ARNT2: variants seen among roughly 807,000 people sequenced by gnomAD.
ARNT2 encodes ARNT protein 2.
In ARNT2, 36 loss-of-function variants were observed where a neutral mutation model predicts 91.7. The observed-to-expected ratio is 0.39, with a 90% confidence interval of 0.30 to 0.52. The LOEUF is 0.52. Ranked by LOEUF, ARNT2 falls within the 20% of genes least tolerant of loss-of-function variation. The probability of loss-of-function intolerance (pLI) is 0.72; values close to 1 mark genes in which losing one functional copy is unlikely to be tolerated. For missense variants in ARNT2, 775 were observed against 939.3 expected (o/e 0.83, Z 2.29); for synonymous variants, 365 against 347.1 (o/e 1.05, Z -0.57).
At position 80,469,214 on chromosome 15, in the gene ARNT2, G is replaced by C. The variant is rs1394752025; in HGVS notation, c.195-1004G>C. Among the ~76,000 whole-genome samples, 3 of 152,298 alleles carry C rather than the reference G, an allele frequency of 2.0e-5. No individual in the cohort carries two copies. The East Asian group carries it at 5.8e-4, about 29-fold the overall frequency. On this transcript the variant is annotated intron_variant, in intron 3 of 18. Transcript: ENST00000303329. ...GCCTGAAGGTAAAAAGCCTGGGTTG[G>C]AAACATTCTACCATCCCTTCTGCTA...
At chr15:80,481,805 C>T (rs571768143) in intron 5 of ARNT2, among the ~76,000 whole-genome samples, 49 of 152,302 alleles carry the variant, frequency 3.2e-4, no homozygotes, top group Non-Finnish European at 6.2e-4. Flanking sequence ...CACTACATTG[C>T]CTAGGTTGTT....
chr15:80,483,978 C>G (rs903308939), intron 5 of ARNT2, among the ~76,000 whole-genome samples: 3 of 152,152 alleles, frequency 2.0e-5, no homozygotes, highest in Non-Finnish European at 1.5e-5. Flanking sequence ...TGCAGTCCAC[C>G]CCTGGGGTAT....
intron 1 of ARNT2, among the ~76,000 whole-genome samples, chr15:80,423,857 C>T (rs1895896590): frequency 6.6e-6 from 1 of 152,016 alleles, no homozygotes; most frequent in Non-Finnish European, 1.5e-5. Flanking sequence ...CCAGTTCAAA[C>T]TAACTCTTAG....
chr15:80,574,048 ATCACCCACTCTGCC>A, intron 12 of ARNT2, 86 bp from the exon 13 acceptor site: 1 of 894,176 alleles, frequency 1.1e-6, no homozygotes. Context: ...TCCATCGGAT[ATCACCCACTCTGCC>A]TCTGAGGTAT....
intron 6 of ARNT2, among the ~76,000 whole-genome samples, chr15:80,508,636 T>A (rs186162938): frequency 6.6e-6 from 1 of 152,340 alleles, no homozygotes; most frequent in African/African-American, 2.4e-5. Context: ...TTCATATATT[T>A]CCTGTCACAA....
chr15:80,578,458 G>T (rs558280263), intron 15 of ARNT2, among the ~76,000 whole-genome samples: 57 of 151,800 alleles, frequency 3.8e-4, no homozygotes, highest in African/African-American at 1.3e-3. Context: ...CCTCACACTG[G>T]ACTGTCTGCC....
intron 8 of ARNT2, among the ~76,000 whole-genome samples, chr15:80,543,230 G>A (rs1897940374): frequency 6.6e-6 from 1 of 152,134 alleles, no homozygotes; most frequent in South Asian, 2.1e-4. Context: ...CAGGCCTCAG[G>A]TGGGGTGCTC....
chr15:80,597,143 A>G lies in ARNT2; in HGVS notation c.*3445A>G, dbSNP rs144987679. 5.8e-6 allele frequency: 3 copies of G among 518,834 alleles called. No homozygotes were observed. Among genetic ancestry groups the G allele is most frequent in the Non-Finnish European group, 1.2e-5 (3 of 259,838 alleles). The allele number at this position is 518,834 out of a possible 1,614,324, so 32.1% of individuals were successfully genotyped here. A position where few individuals can be genotyped will look rare whatever the true frequency, so the allele number is the denominator to read the frequency against. ...TACATGTTCTCCAGATTAGCCACAC[A>G]TGCAAACATCAGTGTCCTTCTAGCT... On this transcript the variant is annotated 3_prime_UTR_variant, in exon 19 of 19. Transcript: ENST00000303329.
chr15:80,440,978 T>C (rs1240336826), intron 1 of ARNT2, among the ~76,000 whole-genome samples: 1 of 152,242 alleles, frequency 6.6e-6, no homozygotes, highest in Non-Finnish European at 1.5e-5. Flanking sequence ...ATGTGCCCTG[T>C]CTTCATTCCA....
intron 1 of ARNT2, among the ~76,000 whole-genome samples, chr15:80,411,395 TG>T (rs1331767199): frequency 3.9e-5 from 6 of 152,210 alleles, no homozygotes; most frequent in Admixed American, 3.9e-4. Context: ...GCCAGGGAAC[TG>T]TCTTTTATTT....
Position 80,597,110 on chromosome 15 carries a change from A to T in ARNT2, c.*3412A>T, listed in dbSNP as rs1893385982. On this transcript the variant is annotated 3_prime_UTR_variant, in exon 19 of 19. Coordinates refer to ENST00000303329, the MANE Select transcript of ARNT2 (RefSeq NM_014862.4). Reference sequence around the variant, plus strand: ...GGGAGCTTTACTCTTCCGTGTCAACAATGTGACTACATGTTCTCCAGATTA... The same window carrying T: ...GGGAGCTTTACTCTTCCGTGTCAACTATGTGACTACATGTTCTCCAGATTA... The T allele has an allele frequency of 1.9e-6, 1 of 518,130 alleles. No individual in the cohort carries two copies. Among genetic ancestry groups the T allele is most frequent in the African/African-American group, 1.9e-5 (1 of 52,010 alleles). 32.1% of individuals were successfully genotyped at this position (518,130 alleles called of 1,614,324 possible).
intron 8 of ARNT2, among the ~76,000 whole-genome samples, chr15:80,520,580 A>C (rs1897526752): frequency 6.6e-6 from 1 of 152,068 alleles, no homozygotes; most frequent in South Asian, 2.1e-4. Flanking sequence ...AATAAATAAA[A>C]ATAAAAAAAT....
chr15:80,465,074 C>T (rs552840665), intron 3 of ARNT2, among the ~76,000 whole-genome samples: 6 of 152,322 alleles, frequency 3.9e-5, no homozygotes, highest in African/African-American at 1.4e-4. Flanking sequence ...GGGATTGATG[C>T]TTCCTTTGCT....
intron 16 of ARNT2, 84 bp from the exon 17 acceptor site, chr15:80,581,155 C>T (rs1315008218): frequency 1.4e-5 from 21 of 1,524,304 alleles, no homozygotes; most frequent in Non-Finnish European, 1.9e-5. Context: ...CAGGCACTGC[C>T]CCTGCGACCA....
intron 5 of ARNT2, among the ~76,000 whole-genome samples, chr15:80,501,633 C>A (rs1444314230): frequency 1.3e-5 from 2 of 152,196 alleles, no homozygotes; most frequent in Non-Finnish European, 2.9e-5. Context: ...AGCCAGGAGG[C>A]AGGGGCTAAC....
chr15:80,555,174 A>G (rs1436949182), intron 11 of ARNT2, 35 bp downstream of exon 11: 2 of 1,605,512 alleles, frequency 1.2e-6, no homozygotes, highest in Admixed American at 1.7e-5. Flanking sequence ...AAGCTGATGC[A>G]TAGTCTGGGC....
intron 1 of ARNT2, chr15:80,444,639 TG>T (rs1896261570): frequency 6.6e-6 from 1 of 151,512 alleles, no homozygotes; most frequent in African/African-American, 2.5e-5. Context: ...TGATGTGTGA[TG>T]TGTGTGCGTG....
At chr15:80,526,328 G>T (rs866316653) in intron 8 of ARNT2, among the ~76,000 whole-genome samples, 2 of 152,208 alleles carry the variant, frequency 1.3e-5, no homozygotes, top group Non-Finnish European at 2.9e-5. Context: ...TTTCCATTTT[G>T]TGGGGTGCGT....
At chr15:80,536,982 A>G (rs1017065554) in intron 8 of ARNT2, among the ~76,000 whole-genome samples, 3 of 152,106 alleles carry the variant, frequency 2.0e-5, no homozygotes, top group Non-Finnish European at 2.9e-5. Flanking sequence ...CCTCAGGGTG[A>G]TGTTCAGTGT....
Sources: allele counts gnomAD v4.1 joint callset (sites outside exome capture counted in the v4.1 genomes callset), GRCh38; gene constraint gnomAD v4.1.1; transcripts MANE v1.5; gene names NCBI Gene and HGNC (gene_info 2026-07-23, HGNC 2026-07-21).